ENTPD5: variants seen among roughly 807,000 people sequenced by gnomAD.
ENTPD5 encodes nucleoside diphosphate phosphatase ENTPD5.
ENTPD5 carries 49 observed loss-of-function variants against 60.2 expected under a neutral mutation model. That is an observed-to-expected ratio of 0.81 (90% CI 0.65 to 1.03). The LOEUF is 1.03. ENTPD5 is among the 50% of genes least tolerant of loss of function. ENTPD5 has a pLI of 0.00. For missense variants in ENTPD5, 480 were observed against 507.6 expected (o/e 0.95, Z 0.52); for synonymous variants, 187 against 185.4 (o/e 1.01, Z -0.07).
At chr14:73,992,720 C>T (rs1195463493) in intron 3 of ENTPD5, among the ~76,000 whole-genome samples, 1 of 148,846 alleles carries the variant, frequency 6.7e-6, no homozygotes, top group Non-Finnish European at 1.5e-5. Context: ...AAGTTAATTG[C>T]AGCTGGGTGT....
intron 3 of ENTPD5, among the ~76,000 whole-genome samples, chr14:74,010,025 C>T (rs2058799213): frequency 6.6e-6 from 1 of 152,098 alleles, no homozygotes; most frequent in Non-Finnish European, 1.5e-5. Context: ...CTCCTGATCT[C>T]GTGATCCGCC....
rs1405565555 is a variant in ENTPD5 at position 73,996,145 on chromosome 14, G to A, written c.-70-7973C>T. 11 of 985,134 alleles carry A rather than the reference G, an allele frequency of 1.1e-5. No homozygotes were observed. The South Asian group carries it at 1.4e-4, about 13-fold the overall frequency. 61.0% of individuals were successfully genotyped at this position (985,134 alleles called of 1,614,324 possible). On this transcript the variant is annotated intron_variant, in intron 3 of 15. Coordinates refer to ENST00000334696, the MANE Select transcript of ENTPD5 (RefSeq NM_001249.5). ...GCCGGTTCCCTGAGTCCTTGCTTTCGCTGCAGGTTGCCTTTTGCTCTTTGC... is the reference window on the plus strand; with the variant it reads ...GCCGGTTCCCTGAGTCCTTGCTTTCACTGCAGGTTGCCTTTTGCTCTTTGC...
intron 10 of ENTPD5, among the ~76,000 whole-genome samples, chr14:73,975,443 C>T (rs534616900): frequency 9.5e-5 from 14 of 147,694 alleles, no homozygotes; most frequent in African/African-American, 3.3e-4. Context: ...CTTGCTCTGT[C>T]GCTCCGGCTG....
At position 73,985,118 on chromosome 14, in the gene ENTPD5, C is replaced by T. The variant is rs559537384; in HGVS notation, c.297+1696G>A. Among the ~76,000 whole-genome samples, 244 of 152,268 alleles carry T rather than the reference C, an allele frequency of 1.6e-3. 3 individuals carry two copies. The highest frequency in any genetic ancestry group is 1.8e-3 in the Non-Finnish European group (123 of 68,032). On this transcript the variant is annotated intron_variant, in intron 5 of 15. Coordinates refer to ENST00000334696, the MANE Select transcript of ENTPD5 (RefSeq NM_001249.5). ...AGTATTCCATGGTGTATATGTGCCACATTTTCTTAATCTAGTCTATCATTG... is the reference window on the plus strand; with the variant it reads ...AGTATTCCATGGTGTATATGTGCCATATTTTCTTAATCTAGTCTATCATTG...
At chr14:73,979,086 A>C (rs1264178375) in intron 6 of ENTPD5, among the ~76,000 whole-genome samples, 1 of 152,092 alleles carries the variant, frequency 6.6e-6, no homozygotes, top group Non-Finnish European at 1.5e-5. Context: ...TACCAAGCAC[A>C]TACCTGCCTC....
In ENTPD5 at chr14:73,964,748, T is replaced by C. The variant is rs1206198597; in HGVS notation, c.*2180A>G. The C allele has an allele frequency of 6.6e-6, 1 of 152,210 alleles. No homozygotes were observed. The highest frequency in any genetic ancestry group is 1.5e-5 in the Non-Finnish European group (1 of 68,024). The allele number at this position is 152,210 out of a possible 1,614,324, so 9.4% of individuals were successfully genotyped here. ...AGGGGTCTAAAAGTCATGTCACTTA[T>C]AAAAGAACTTGGGAGGAACTTTTTT... On this transcript the variant is annotated 3_prime_UTR_variant, in exon 16 of 16. Transcript: ENST00000334696.
chr14:73,968,876 T>C (rs985894507), intron 15 of ENTPD5, among the ~76,000 whole-genome samples: 10 of 152,106 alleles, frequency 6.6e-5, no homozygotes, highest in Admixed American at 2.0e-4. Context: ...TTACTACAGA[T>C]AAAGTAGAGC....
intron 13 of ENTPD5, 104 bp from the exon 14 acceptor site, chr14:73,972,012 T>C: frequency 1.3e-6 from 1 of 754,848 alleles, no homozygotes; most frequent in Non-Finnish European, 2.3e-6. Flanking sequence ...ATGTAATCTA[T>C]GCAACCTAAT....
chr14:73,961,736 G>A (rs1566693738), downstream of ENTPD5: 3 of 1,614,152 alleles, frequency 1.9e-6, no homozygotes, highest in Non-Finnish European at 1.7e-6. Flanking sequence ...CTGCCCTTCA[G>A]GTTCCGTGAG....
intron 14 of ENTPD5, among the ~76,000 whole-genome samples, chr14:73,971,132 A>C: frequency 6.7e-6 from 1 of 149,812 alleles, no homozygotes; most frequent in Non-Finnish European, 1.5e-5. Flanking sequence ...AAAGGTCTTC[A>C]CCATTTCCCT....
chr14:73,982,987 G>A (rs1035927972), intron 6 of ENTPD5, 31 bp downstream of exon 6: 1 of 1,605,650 alleles, frequency 6.2e-7, no homozygotes, highest in Admixed American at 1.7e-5. Context: ...GAAAAGGGCA[G>A]AATGATCCAA....
chr14:74,007,733 A>T (rs111803648), intron 3 of ENTPD5: 2,139 of 149,252 alleles, frequency 0.014, 54 homozygotes, highest in African/African-American at 0.05. Flanking sequence ...AGGCAGGAGG[A>T]TCGCTTGAGC....
At chr14:73,985,571 C>T (rs970722089) in intron 5 of ENTPD5, among the ~76,000 whole-genome samples, 5 of 151,996 alleles carry the variant, frequency 3.3e-5, no homozygotes, top group African/African-American at 9.7e-5. Flanking sequence ...TATCCTTTGC[C>T]CACTTTTTGA....
At chr14:74,001,666 C>CAAAAAAAAAAAAAAAAAAAAA (rs541623960) in intron 3 of ENTPD5, among the ~76,000 whole-genome samples, 1 of 49,356 alleles carries the variant, frequency 2.0e-5, no homozygotes, top group Non-Finnish European at 3.4e-5. Flanking sequence ...GACCTCATCT[C>CAAAAAAAAAAAAAAAAAAAAA]AAAAAAAAAA....
chr14:73,967,796 T>A (rs2057043896), intron 15 of ENTPD5, among the ~76,000 whole-genome samples: 2 of 58,136 alleles, frequency 3.4e-5, no homozygotes, highest in Admixed American at 2.3e-4. Flanking sequence ...CAAGACCCTG[T>A]CTCAAAAAAA....
intron 6 of ENTPD5, among the ~76,000 whole-genome samples, chr14:73,979,917 G>A (rs891613218): frequency 4.0e-5 from 6 of 150,226 alleles, no homozygotes; most frequent in African/African-American, 7.4e-5. Flanking sequence ...TTTAGGGCCT[G>A]TAATACAGAG....
At chr14:73,994,604 G>C (rs982709207) in intron 3 of ENTPD5, among the ~76,000 whole-genome samples, 11 of 151,678 alleles carry the variant, frequency 7.3e-5, no homozygotes, top group East Asian at 2.0e-4. Flanking sequence ...GTGGTGGCAG[G>C]CACCTGTAAT....
In ENTPD5 at chr14:73,977,374, C is replaced by T. The variant is rs1655839945; in HGVS notation, c.442G>A (p.Val148Ile). 1 of 1,542,182 alleles carries T rather than the reference C, an allele frequency of 6.5e-7. No individual in the cohort carries two copies. The highest frequency in any genetic ancestry group is 2.2e-5 in the East Asian group (1 of 44,466). Residue 148 changes from valine (V) to isoleucine (I), a missense_variant and splice_region_variant, in exon 7 of 16, where the codon GTA becomes ATA. Val to Ile is a conservative substitution (Grantham distance 29, BLOSUM62 3). Transcript: ENST00000334696. ...GGTGACTTCCTGAAGATCTCCTTTA[C>T]CTAGAGAAAAAGGAAAAAAAAAAAA... ...EHKAKALLFE[V>I]KEIFRKSPFL... is the part of the protein sequence containing the mutation.
chr14:73,984,612 C>T (rs4903164), intron 5 of ENTPD5, among the ~76,000 whole-genome samples: 23,079 of 152,132 alleles, frequency 0.15, 1,853 homozygotes, highest in Admixed American at 0.21. Context: ...AACTACAACA[C>T]GATCACCTTT....
Sources: gnomAD v4.1 joint callset for allele counts (sites outside exome capture counted in the v4.1 genomes callset) on GRCh38, gnomAD v4.1.1 for gene constraint, MANE v1.5 for transcripts, NCBI Gene and HGNC (gene_info 2026-07-23, HGNC 2026-07-21) for gene names.